Variants in ATE1 observed in about 807,000 individuals in gnomAD.
The protein encoded by ATE1 is arginyl-tRNA--protein transferase 1.
Under a neutral mutation model 70.5 loss-of-function variants are expected in ATE1, and 36 were observed. The ratio of observed to expected loss-of-function variants is 0.51; its 90% CI spans 0.39 to 0.67. The LOEUF (loss-of-function observed/expected upper bound fraction) is 0.67. ATE1 is among the 30% of genes least tolerant of loss of function. The pLI is 0.00. For missense variants in ATE1, 593 were observed against 629.5 expected (o/e 0.94, Z 0.62); for synonymous variants, 232 against 219.3 (o/e 1.06, Z -0.51).
At chr10:121,828,567 C>T (rs1948114804) in intron 10 of ATE1, among the ~76,000 whole-genome samples, 1 of 152,174 alleles carries the variant, frequency 6.6e-6, no homozygotes, top group South Asian at 2.1e-4. Context: ...CCAGACAAGG[C>T]CTGAGCCCAG....
At chr10:121,744,787 C>T (rs752205582) in intron 11 of ATE1, among the ~76,000 whole-genome samples, 5 of 152,214 alleles carry the variant, frequency 3.3e-5, no homozygotes, top group African/African-American at 4.8e-5. Context: ...AAGCCTGTTT[C>T]CCAGCCTTCC....
At chr10:121,775,473 TA>T (rs1185476318) in intron 11 of ATE1, among the ~76,000 whole-genome samples, 3 of 151,860 alleles carry the variant, frequency 2.0e-5, no homozygotes, top group Non-Finnish European at 4.4e-5. Flanking sequence ...AACTTAAAGT[TA>T]AAAAACAACA....
intron 10 of ATE1, among the ~76,000 whole-genome samples, chr10:121,820,853 C>T (rs544371290): frequency 3.2e-4 from 49 of 152,204 alleles, no homozygotes; most frequent in Non-Finnish European, 5.7e-4. Flanking sequence ...CAGTCCTGCA[C>T]CCTGTCTCAC....
chr10:121,808,611 T>C (rs1443577089), intron 10 of ATE1, among the ~76,000 whole-genome samples: 2 of 152,228 alleles, frequency 1.3e-5, no homozygotes, highest in Admixed American at 6.5e-5. Flanking sequence ...CACAACTTGC[T>C]TGATATCTTC....
At chr10:121,842,537 C>T (rs564207555) in intron 8 of ATE1, among the ~76,000 whole-genome samples, 1 of 152,062 alleles carries the variant, frequency 6.6e-6, no homozygotes, top group South Asian at 2.1e-4. Context: ...AATAAATCTA[C>T]AAATCAATCT....
At chr10:121,811,938 C>T (rs1452084549) in intron 10 of ATE1, among the ~76,000 whole-genome samples, 1 of 148,840 alleles carries the variant, frequency 6.7e-6, no homozygotes. Flanking sequence ...TTCTATGAAC[C>T]TTATTCCAAA....
chr10:121,876,459 A>G (rs1170785251), intron 7 of ATE1, among the ~76,000 whole-genome samples: 6 of 152,220 alleles, frequency 3.9e-5, no homozygotes, highest in Non-Finnish European at 8.8e-5. Flanking sequence ...TATAATAATC[A>G]TCATATATTT....
chr10:121,922,270 A>C, intron 3 of ATE1, 79 bp downstream of exon 3: 1 of 1,032,936 alleles, frequency 9.7e-7, no homozygotes, highest in Non-Finnish European at 1.4e-6. Flanking sequence ...ATAAACATTA[A>C]AAAAGCACAA....
intron 10 of ATE1, among the ~76,000 whole-genome samples, chr10:121,822,705 T>G (rs1590393963): frequency 6.6e-6 from 1 of 152,190 alleles, no homozygotes; most frequent in African/African-American, 2.4e-5. Context: ...CATTTTTTCA[T>G]TTTTATCCAT....
chr10:121,899,681 T>C (rs1950904785), intron 7 of ATE1, among the ~76,000 whole-genome samples, 185 bp downstream of exon 7: 1 of 152,232 alleles, frequency 6.6e-6, no homozygotes, highest in African/African-American at 2.4e-5. Flanking sequence ...GGCTGGTACT[T>C]AACATGGCAC....
rs189539840 is a variant in ATE1 at position 121,809,046 on chromosome 10, C to A, written c.1258-18757G>T. 3.2e-3 allele frequency among the ~76,000 whole-genome samples: 481 copies of A among 152,316 alleles called. 6 individuals are homozygous for A. The highest frequency in any genetic ancestry group is 0.011 in the African/African-American group (447 of 41,568). ...AGATCTCCCAAATGTTGACATGTTT[C>A]AATGGCCAATTATCAATCATGTTTT... On this transcript the variant is annotated intron_variant, in intron 10 of 11. Transcript: ENST00000224652.
At chr10:121,852,612 G>T (rs1046071647) in intron 8 of ATE1, among the ~76,000 whole-genome samples, 2 of 152,094 alleles carry the variant, frequency 1.3e-5, no homozygotes, top group African/African-American at 2.4e-5. Context: ...TTGGGAGGCT[G>T]AGGCAGGAAA....
At chr10:121,859,255 A>ATTTATTTTTTTTT (rs1949376656) in intron 8 of ATE1, among the ~76,000 whole-genome samples, 1 of 66,302 alleles carries the variant, frequency 1.5e-5, no homozygotes. Flanking sequence ...ATTTTATTTT[A>ATTTATTTTTTTTT]TTTTATTTTT....
chr10:121,758,651 T>C (rs1944907649), intron 11 of ATE1, among the ~76,000 whole-genome samples: 1 of 152,242 alleles, frequency 6.6e-6, no homozygotes, highest in Non-Finnish European at 1.5e-5. Context: ...TTTGTTTGTT[T>C]GTTTGTTTTT....
intron 7 of ATE1, among the ~76,000 whole-genome samples, chr10:121,887,246 A>G (rs548013283): frequency 1.4e-4 from 21 of 152,284 alleles, no homozygotes; most frequent in African/African-American, 5.1e-4. Flanking sequence ...TCAAGTCTCC[A>G]TGGGGTCAGA....
Position 121,805,262 on chromosome 10 carries a change from C to T in ATE1, c.1258-14973G>A, listed in dbSNP as rs149007881. 3.5e-3 allele frequency among the ~76,000 whole-genome samples: 528 copies of T among 152,072 alleles called. 2 individuals are homozygous for T. The highest frequency in any genetic ancestry group is 0.012 in the African/African-American group (504 of 41,488). On this transcript the variant is annotated intron_variant, in intron 10 of 11. Coordinates refer to ENST00000224652, the MANE Select transcript of ATE1 (RefSeq NM_001001976.3). ...AAATTTGAATAAAATAATAAACAAA[C>T]GTTTAATTTTTTCTTTCTACAACTT... is the stretch of plus-strand genomic sequence containing the variant.
At chr10:121,757,497 T>C (rs1362513538) in intron 11 of ATE1, among the ~76,000 whole-genome samples, 1 of 152,182 alleles carries the variant, frequency 6.6e-6, no homozygotes, top group Non-Finnish European at 1.5e-5. Flanking sequence ...AAGACATACC[T>C]GAGACTGGGC....
At chr10:121,817,055 TTA>T (rs1947570050) in intron 10 of ATE1, among the ~76,000 whole-genome samples, 1 of 152,140 alleles carries the variant, frequency 6.6e-6, no homozygotes, top group Non-Finnish European at 1.5e-5. Context: ...TTTAATAAAC[TTA>T]TCTTTCATTA....
At chr10:121,920,603 G>A (rs1381868394) in intron 3 of ATE1, among the ~76,000 whole-genome samples, 1 of 152,118 alleles carries the variant, frequency 6.6e-6, no homozygotes, top group African/African-American at 2.4e-5. Flanking sequence ...ATGTTAGGGT[G>A]AGGTGAGAAG....
Sources: allele counts gnomAD v4.1 joint callset (sites outside exome capture counted in the v4.1 genomes callset), GRCh38; gene constraint gnomAD v4.1.1; transcripts MANE v1.5; gene names NCBI Gene and HGNC (gene_info 2026-07-23, HGNC 2026-07-21).